The following TPD52L1 variants were observed in gnomAD, a reference collection of about 807,000 sequenced individuals.
TPD52L1 encodes tumor protein D53.
In TPD52L1, 18 loss-of-function variants were observed where a neutral mutation model predicts 28.7. The ratio of observed to expected loss-of-function variants is 0.63; its 90% confidence interval spans 0.43 to 0.93. TPD52L1 has a LOEUF of 0.93. TPD52L1 is among the 40% of genes least tolerant of loss of function. The pLI is 0.00. For synonymous variants in TPD52L1, 75 were observed against 88.8 expected, an observed-to-expected ratio of 0.84 and a Z score of 0.88; for missense variants, 203 against 254.8, an observed-to-expected ratio of 0.80 and a Z score of 1.39.
At chr6:125,244,575 A>G (rs73771298) in intron 3 of TPD52L1, among the ~76,000 whole-genome samples, 7,565 of 152,250 alleles carry the variant, frequency 0.05, 285 homozygotes, top group African/African-American at 0.11. Context: ...CAAGTAGGGA[A>G]GAATTGTGAC....
intron 1 of TPD52L1, among the ~76,000 whole-genome samples, chr6:125,161,416 C>A (rs1397341163): frequency 6.6e-6 from 1 of 152,194 alleles, no homozygotes; most frequent in Non-Finnish European, 1.5e-5. Context: ...CTTTCAAGAA[C>A]TTTTCCTTCA....
At chr6:125,252,857 G>A (rs888282611) in intron 4 of TPD52L1, 2 of 152,176 alleles carry the variant, frequency 1.3e-5, no homozygotes, top group Non-Finnish European at 2.9e-5. Flanking sequence ...TGCCCTCAGT[G>A]GATATTATGA....
chr6:125,261,045 A>G (rs79719279), intron 6 of TPD52L1: 1 of 148,872 alleles, frequency 6.7e-6, no homozygotes, highest in Admixed American at 6.7e-5. Flanking sequence ...AGAAAGAAAG[A>G]AAGAAAAGGG....
intron 2 of TPD52L1, among the ~76,000 whole-genome samples, chr6:125,228,778 T>C (rs1019732736): frequency 2.6e-5 from 4 of 152,220 alleles, no homozygotes; most frequent in African/African-American, 4.8e-5. Context: ...ATACAACTTA[T>C]AGAAAGAACA....
chr6:125,244,992 C>T (rs1478485203), intron 3 of TPD52L1, among the ~76,000 whole-genome samples: 1 of 152,188 alleles, frequency 6.6e-6, no homozygotes, highest in African/African-American at 2.4e-5. Flanking sequence ...TGTTATTTCT[C>T]TTCTTAGTCT....
chr6:125,227,427 C>T (rs1038469302), intron 2 of TPD52L1, among the ~76,000 whole-genome samples: 22 of 152,134 alleles, frequency 1.4e-4, no homozygotes, highest in Non-Finnish European at 2.6e-4. Context: ...ATCCAAGGAA[C>T]GCATTTGCAA....
At chr6:125,157,903 G>C (rs1197178731) in intron 1 of TPD52L1, among the ~76,000 whole-genome samples, 1 of 152,132 alleles carries the variant, frequency 6.6e-6, no homozygotes, top group African/African-American at 2.4e-5. Context: ...ACTATCACTA[G>C]GCTGAAATCA....
chr6:125,161,810 AG>A (rs1228336960), intron 1 of TPD52L1, among the ~76,000 whole-genome samples: 3 of 152,200 alleles, frequency 2.0e-5, no homozygotes, highest in Admixed American at 2.0e-4. Context: ...ATAATGGAAA[AG>A]TTTGAAATAT....
At chr6:125,218,565 AT>A (rs1795028741) in intron 1 of TPD52L1, among the ~76,000 whole-genome samples, 1 of 152,232 alleles carries the variant, frequency 6.6e-6, no homozygotes, top group South Asian at 2.1e-4. Flanking sequence ...TTCATTTTCC[AT>A]ATAGCGTCTT....
At chr6:125,235,105 AATAAT>A (rs1188818402) in intron 3 of TPD52L1, among the ~76,000 whole-genome samples, 1 of 142,742 alleles carries the variant, frequency 7.0e-6, no homozygotes, top group Non-Finnish European at 1.5e-5. Flanking sequence ...AAATAACAAT[AATAAT>A]AATAATAATA....
At chr6:125,163,249 A>C (rs1190004559) in intron 1 of TPD52L1, among the ~76,000 whole-genome samples, 1 of 152,182 alleles carries the variant, frequency 6.6e-6, no homozygotes, top group Non-Finnish European at 1.5e-5. Flanking sequence ...TAGCAATAAC[A>C]TTTTAGTGTT....
intron 1 of TPD52L1, among the ~76,000 whole-genome samples, chr6:125,216,113 G>A (rs553442181): frequency 2.0e-5 from 3 of 152,214 alleles, no homozygotes; most frequent in Admixed American, 1.3e-4. Context: ...GGTTTAGATC[G>A]TTATCCTAGA....
intron 6 of TPD52L1, among the ~76,000 whole-genome samples, chr6:125,260,823 AGAAAG>A (rs1303936179): frequency 7.9e-6 from 1 of 126,138 alleles, no homozygotes; most frequent in Non-Finnish European, 1.7e-5. Flanking sequence ...GAAAGAAAGA[AGAAAG>A]GAAGAAAGGA....
At chr6:125,188,724 G>T (rs949651451) in intron 1 of TPD52L1, among the ~76,000 whole-genome samples, 1 of 152,070 alleles carries the variant, frequency 6.6e-6, no homozygotes, top group African/African-American at 2.4e-5. Flanking sequence ...CACTAAATGG[G>T]GTAGTGACCT....
intron 5 of TPD52L1, among the ~76,000 whole-genome samples, chr6:125,254,452 A>G (rs918023413): frequency 1.3e-5 from 2 of 152,116 alleles, no homozygotes; most frequent in African/African-American, 4.8e-5. Flanking sequence ...AATCACCTCA[A>G]TGGTATCAGC....
chr6:125,186,907 G>A (rs181533835), intron 1 of TPD52L1, among the ~76,000 whole-genome samples: 2 of 152,076 alleles, frequency 1.3e-5, no homozygotes, highest in Non-Finnish European at 2.9e-5. Flanking sequence ...AGTAATTGGG[G>A]TGACTGTTTC....
chr6:125,196,614 A>C (rs902700009), intron 1 of TPD52L1, among the ~76,000 whole-genome samples: 9 of 152,240 alleles, frequency 5.9e-5, no homozygotes, highest in African/African-American at 1.9e-4. Flanking sequence ...TGCTTATTTT[A>C]TCTGTAATAT....
At chr6:125,222,816 T>C (rs537208522) in intron 2 of TPD52L1, among the ~76,000 whole-genome samples, 2 of 152,284 alleles carry the variant, frequency 1.3e-5, no homozygotes, top group African/African-American at 4.8e-5. Context: ...TAGATTAACT[T>C]CCCTCTTTAT....
intron 3 of TPD52L1, among the ~76,000 whole-genome samples, chr6:125,244,775 C>G (rs1008006473): frequency 6.6e-6 from 1 of 152,116 alleles, no homozygotes; most frequent in Non-Finnish European, 1.5e-5. Context: ...CAGGGGATGC[C>G]TGCCGTTTGG....
Sources: allele counts gnomAD v4.1 joint callset (sites outside exome capture counted in the v4.1 genomes callset), GRCh38; gene constraint gnomAD v4.1.1; transcripts MANE v1.5; gene names NCBI Gene and HGNC (gene_info 2026-07-23, HGNC 2026-07-21).